Variants in SEM1 observed in about 807,000 individuals in gnomAD.
SEM1 encodes the protein SEM1 26S proteasome subunit, also known as 26S proteasome complex subunit SEM1.
Under a neutral mutation model 12.7 loss-of-function variants are expected in SEM1, and 3 were observed. That is an observed-to-expected ratio of 0.24 (90% CI 0.11 to 0.61). The LOEUF is 0.61. Among genes scored for constraint, SEM1 ranks in the 20% least tolerant of loss-of-function variants. The probability of loss-of-function intolerance (pLI) is 0.88; values close to 1 mark genes in which losing one functional copy is unlikely to be tolerated. For synonymous variants in SEM1, 30 were observed against 27.8 expected, an observed-to-expected ratio of 1.08 and a Z score of -0.25; for missense variants, 59 against 81.3, an observed-to-expected ratio of 0.73 and a Z score of 1.06.
chr7:96,700,870 T>C (rs567696013), intron 1 of SEM1, among the ~76,000 whole-genome samples: 4 of 152,290 alleles, frequency 2.6e-5, no homozygotes, highest in African/African-American at 9.6e-5. Context: ...CCAATCTGTA[T>C]ATACCCCTAA....
rs143054966 is a variant in SEM1 at position 96,610,177 on chromosome 7, G to A, written c.170+84621C>T. On this transcript the variant is annotated intron_variant and NMD_transcript_variant, in intron 2 of 3. Coordinates refer to the SEM1 transcript ENST00000466986. ...TGCAATGGCACAATCTCAGCTCACC[G>A]CAACCTCCGCCTCCTGGGTTCAAGT... Among the ~76,000 whole-genome samples the A allele has an allele frequency of 8.9e-3, 1,345 of 151,474 alleles. 23 individuals carry two copies. The highest frequency in any genetic ancestry group is 0.028 in the African/African-American group (1,134 of 41,230).
intron 2 of SEM1, among the ~76,000 whole-genome samples, chr7:96,546,385 T>C (rs1805103321): frequency 6.6e-6 from 1 of 152,112 alleles, no homozygotes; most frequent in Non-Finnish European, 1.5e-5. Flanking sequence ...ACATACCTTC[T>C]TTTGCTTACA....
chr7:96,642,984 A>T (rs2037665), intron 2 of SEM1, among the ~76,000 whole-genome samples: 50,772 of 151,852 alleles, frequency 0.33, 10,050 homozygotes, highest in African/African-American at 0.56. Flanking sequence ...GAGGTACAAG[A>T]GCAGGTTTGT....
intron 2 of SEM1, among the ~76,000 whole-genome samples, chr7:96,629,503 A>G (rs1317559073): frequency 6.6e-6 from 1 of 151,916 alleles, no homozygotes; most frequent in Non-Finnish European, 1.5e-5. Context: ...TTCAATCTCT[A>G]CTAAATTTGT....
intron 2 of SEM1, among the ~76,000 whole-genome samples, chr7:96,617,124 A>G (rs1233126268): frequency 6.6e-6 from 1 of 152,202 alleles, no homozygotes; most frequent in African/African-American, 2.4e-5. Flanking sequence ...TAGGATCTGT[A>G]GAATGCTTTG....
intron 2 of SEM1, among the ~76,000 whole-genome samples, chr7:96,664,668 A>G (rs1789118983): frequency 6.6e-6 from 1 of 152,200 alleles, no homozygotes; most frequent in Admixed American, 6.5e-5. Context: ...TAGGACTTAA[A>G]TGGTTTTAGA....
At chr7:96,519,567 T>C (rs1804204602) in intron 2 of SEM1, among the ~76,000 whole-genome samples, 1 of 152,052 alleles carries the variant, frequency 6.6e-6, no homozygotes, top group South Asian at 2.1e-4. Context: ...AGGAATGAAG[T>C]TGGAGTGAAG....
chr7:96,554,176 A>G (rs1196075624), intron 2 of SEM1, among the ~76,000 whole-genome samples: 3 of 147,906 alleles, frequency 2.0e-5, no homozygotes, highest in African/African-American at 7.6e-5. Flanking sequence ...TCCTCATTGA[A>G]TACCCTTTAT....
intron 2 of SEM1, among the ~76,000 whole-genome samples, chr7:96,557,342 A>G (rs1805544918): frequency 7.1e-6 from 1 of 141,058 alleles, no homozygotes. Context: ...TTGGTCTTTG[A>G]TGATGGTGAT....
At chr7:96,697,457 C>T (rs1790132155) in intron 1 of SEM1, 1 of 152,094 alleles carries the variant, frequency 6.6e-6, no homozygotes, top group African/African-American at 2.4e-5. Flanking sequence ...CTTTCCCCTA[C>T]TCTGCAACAT....
In SEM1 at chr7:96,703,156, A is replaced by T. The variant is rs532426445; in HGVS notation, c.76+6532T>A. On this transcript the variant is annotated intron_variant, in intron 1 of 2. Coordinates refer to ENST00000248566, the MANE Select transcript of SEM1 (RefSeq NM_006304.2). ...ATTTTGTATTTTTTTGAATTTTGAA[A>T]TACTTGCATTATATATTTACAACTG... 3.3e-5 allele frequency among the ~76,000 whole-genome samples: 5 copies of T among 152,344 alleles called. No individual in the cohort carries two copies. In the East Asian group the frequency reaches 9.6e-4, roughly 29 times the overall value.
At chr7:96,523,014 TAAC>T (rs1301636242) in intron 2 of SEM1, among the ~76,000 whole-genome samples, 7 of 152,116 alleles carry the variant, frequency 4.6e-5, no homozygotes, top group Non-Finnish European at 1.0e-4. Context: ...TGCTTCTGCT[TAAC>T]AATCTGTGAA....
downstream of SEM1, among the ~76,000 whole-genome samples, chr7:96,669,451 T>C (rs1789255243): frequency 6.6e-6 from 1 of 152,180 alleles, no homozygotes; most frequent in Non-Finnish European, 1.5e-5. Context: ...TTTTCCTGAA[T>C]CAGAAAATGG....
chr7:96,597,240 T>A (rs1376946232), intron 2 of SEM1, among the ~76,000 whole-genome samples: 1 of 152,158 alleles, frequency 6.6e-6, no homozygotes, highest in Non-Finnish European at 1.5e-5. Context: ...ATTAGGAGTA[T>A]ACGTGAAATA....
At chr7:96,514,021 T>C (rs1166457874) in intron 2 of SEM1, among the ~76,000 whole-genome samples, 1 of 152,130 alleles carries the variant, frequency 6.6e-6, no homozygotes, top group Non-Finnish European at 1.5e-5. Flanking sequence ...GATTTTATTT[T>C]ATAGATTTAT....
At chr7:96,578,502 A>G (rs1806281282) in intron 2 of SEM1, among the ~76,000 whole-genome samples, 1 of 152,134 alleles carries the variant, frequency 6.6e-6, no homozygotes, top group Non-Finnish European at 1.5e-5. Context: ...ACATCTTCCA[A>G]TGTGAAATTA....
At chr7:96,665,036 C>T (rs371007348) in intron 2 of SEM1, among the ~76,000 whole-genome samples, 3 of 152,150 alleles carry the variant, frequency 2.0e-5, no homozygotes, top group Admixed American at 6.5e-5. Flanking sequence ...CAATCCCACA[C>T]GTGTTCAGTG....
intron 2 of SEM1, among the ~76,000 whole-genome samples, chr7:96,657,605 G>C (rs1809221212): frequency 6.6e-6 from 1 of 152,190 alleles, no homozygotes. Context: ...GCCACCTCTA[G>C]TGGGTTTTCT....
intron 2 of SEM1, among the ~76,000 whole-genome samples, chr7:96,632,168 C>A (rs1020811647): frequency 6.6e-6 from 1 of 152,034 alleles, no homozygotes; most frequent in East Asian, 1.9e-4. Context: ...GATCTAGAAC[C>A]AGAAATACCA....
Sources: gnomAD v4.1 joint callset for allele counts (sites outside exome capture counted in the v4.1 genomes callset) on GRCh38, gnomAD v4.1.1 for gene constraint, MANE v1.5 for transcripts, NCBI Gene and HGNC (gene_info 2026-07-23, HGNC 2026-07-21) for gene names.